The following VEGFC variants were observed in gnomAD, a reference collection of about 807,000 sequenced individuals.
VEGFC encodes the protein vascular endothelial growth factor C, also known as FLT4 ligand DHM.
A neutral mutation model predicts 46.1 loss-of-function variants in VEGFC; 12 were observed. The observed-to-expected ratio is 0.26, with a 90% CI of 0.17 to 0.42. The LOEUF (loss-of-function observed/expected upper bound fraction) is 0.42. Among genes scored for constraint, VEGFC ranks in the 10% least tolerant of loss-of-function variants. The probability of loss-of-function intolerance (pLI) is 1.00; values close to 1 mark genes in which losing one functional copy is unlikely to be tolerated. For synonymous variants in VEGFC, 232 were observed against 195.5 expected (o/e 1.19, Z -1.56); for missense variants, 488 against 529.4 (o/e 0.92, Z 0.77).
chr4:176,741,239 T>C (rs1054395230), intron 1 of VEGFC, among the ~76,000 whole-genome samples: 6 of 151,988 alleles, frequency 3.9e-5, no homozygotes, highest in Non-Finnish European at 5.9e-5. Context: ...ACATTTTTAG[T>C]GTACGGAACA....
At chr4:176,759,069 T>G (rs2110907010) in intron 1 of VEGFC, among the ~76,000 whole-genome samples, 1 of 152,292 alleles carries the variant, frequency 6.6e-6, no homozygotes, top group African/African-American at 2.4e-5. Flanking sequence ...TCTGAAAAGC[T>G]AAGAAACTAA....
intron 1 of VEGFC, among the ~76,000 whole-genome samples, chr4:176,790,546 C>T (rs1419265780): frequency 2.0e-5 from 3 of 152,066 alleles, no homozygotes; most frequent in Admixed American, 6.5e-5. Context: ...CACACACACA[C>T]ACACTCAAGG....
chr4:176,736,356 C>T (rs1423584061), intron 1 of VEGFC, among the ~76,000 whole-genome samples: 1 of 151,528 alleles, frequency 6.6e-6, no homozygotes, highest in Non-Finnish European at 1.5e-5. Context: ...GCATATAGGC[C>T]GATATATAAT....
intron 3 of VEGFC, among the ~76,000 whole-genome samples, chr4:176,723,633 C>A (rs1439284216): frequency 6.9e-6 from 1 of 145,122 alleles, no homozygotes; most frequent in Non-Finnish European, 1.5e-5. Flanking sequence ...GGTCCATGTG[C>A]AGATTTGTGA....
intron 4 of VEGFC, among the ~76,000 whole-genome samples, chr4:176,688,479 C>G (rs1162947973): frequency 1.3e-5 from 2 of 152,072 alleles, no homozygotes; most frequent in Non-Finnish European, 2.9e-5. Flanking sequence ...AAGCACAGAT[C>G]CCCATCTTGT....
chr4:176,703,304 T>G (rs1244162609), intron 4 of VEGFC, among the ~76,000 whole-genome samples: 2 of 152,128 alleles, frequency 1.3e-5, no homozygotes, highest in African/African-American at 4.8e-5. Flanking sequence ...ATAAAAAGAA[T>G]GCAATCCTGT....
chr4:176,772,867 T>C (rs1735745102), intron 1 of VEGFC, among the ~76,000 whole-genome samples: 1 of 152,176 alleles, frequency 6.6e-6, no homozygotes, highest in African/African-American at 2.4e-5. Context: ...GTCTTCAGAA[T>C]TGTGAGGAAA....
At chr4:176,725,155 C>T (rs2111013434) in intron 3 of VEGFC, among the ~76,000 whole-genome samples, 1 of 152,270 alleles carries the variant, frequency 6.6e-6, no homozygotes, top group South Asian at 2.1e-4. Context: ...ACATTTTGTA[C>T]AGGTATCAAC....
intron 1 of VEGFC, among the ~76,000 whole-genome samples, chr4:176,756,358 T>C (rs1735432662): frequency 6.6e-6 from 1 of 151,882 alleles, no homozygotes; most frequent in South Asian, 2.1e-4. Flanking sequence ...GAATAAACAA[T>C]AAATGAAGAA....
chr4:176,759,804 T>C (rs556609575), intron 1 of VEGFC, among the ~76,000 whole-genome samples: 3 of 152,210 alleles, frequency 2.0e-5, no homozygotes, highest in Non-Finnish European at 4.4e-5. Context: ...ACATGCTTTT[T>C]GGAGAGGAGA....
At chr4:176,699,639 G>A (rs1336207018) in intron 4 of VEGFC, among the ~76,000 whole-genome samples, 1 of 152,162 alleles carries the variant, frequency 6.6e-6, no homozygotes, top group Non-Finnish European at 1.5e-5. Flanking sequence ...TTCATCTTGA[G>A]TTTGTTACGC....
chr4:176,775,948 T>C (rs1276454581), intron 1 of VEGFC, among the ~76,000 whole-genome samples: 2 of 152,150 alleles, frequency 1.3e-5, no homozygotes, highest in Non-Finnish European at 1.5e-5. Context: ...CTTTATTTAT[T>C]TGAAATGTGG....
At chr4:176,771,437 T>C (rs1232609911) in intron 1 of VEGFC, among the ~76,000 whole-genome samples, 1 of 152,188 alleles carries the variant, frequency 6.6e-6, no homozygotes, top group East Asian at 1.9e-4. Context: ...TTAACACATA[T>C]ATGATTATGA....
chr4:176,792,765 G>A lies in VEGFC; in HGVS notation c.-454C>T, dbSNP rs1278296355. ...CGAAGTGAGAGGAGCCGGGCCGCGGGCGCTGCGGCGGGGGCGCTGGCGGCG... is the reference window on the plus strand; with the variant it reads ...CGAAGTGAGAGGAGCCGGGCCGCGGACGCTGCGGCGGGGGCGCTGGCGGCG... On this transcript the variant is annotated 5_prime_UTR_variant, in exon 1 of 7. Coordinates refer to ENST00000618562, the MANE Select transcript of VEGFC (RefSeq NM_005429.5). The surrounding 1 kb of genome is among the most constrained non-coding windows in gnomAD (Gnocchi z 6.3). 6.7e-6 allele frequency: 1 copy of A among 149,452 alleles called. No homozygotes were observed. Among genetic ancestry groups the A allele is most frequent in the Non-Finnish European group, 1.5e-5 (1 of 66,982 alleles). 9.3% of individuals were successfully genotyped at this position (149,452 alleles called of 1,614,324 possible). A position where few individuals can be genotyped will look rare whatever the true frequency, so the allele number is the denominator to read the frequency against.
In VEGFC at chr4:176,699,136, A is replaced by G. The variant is rs116839326; in HGVS notation, c.705-11209T>C. Among the ~76,000 whole-genome samples, 558 of 152,346 alleles carry G rather than the reference A, an allele frequency of 3.7e-3. 2 individuals carry two copies. The highest frequency in any genetic ancestry group is 0.013 in the African/African-American group (536 of 41,586). On this transcript the variant is annotated intron_variant, in intron 4 of 6. Transcript: ENST00000618562. Reference sequence around the variant, plus strand: ...CTCTTTTAATAAGGTTTTTCACAACAACACAACAAATAAAAATTTGGCTTA... The same window carrying G: ...CTCTTTTAATAAGGTTTTTCACAACGACACAACAAATAAAAATTTGGCTTA...
chr4:176,691,288 A>G (rs3775200), intron 4 of VEGFC, among the ~76,000 whole-genome samples: 35,378 of 152,176 alleles, frequency 0.23, 6,737 homozygotes, highest in African/African-American at 0.53. Flanking sequence ...ATATTAAAGT[A>G]TGCATAAATA....
At chr4:176,733,715 T>C (rs1482637774) in intron 1 of VEGFC, among the ~76,000 whole-genome samples, 2 of 151,804 alleles carry the variant, frequency 1.3e-5, no homozygotes, top group African/African-American at 4.8e-5. Flanking sequence ...AAACTCGCTA[T>C]AAACAGTAAA....
intron 4 of VEGFC, among the ~76,000 whole-genome samples, chr4:176,709,378 C>G (rs1380525674): frequency 6.6e-6 from 1 of 152,150 alleles, no homozygotes; most frequent in East Asian, 1.9e-4. Context: ...TATAAACTTA[C>G]TGGAAACACT....
chr4:176,732,395 T>A (rs1560949000), intron 1 of VEGFC, among the ~76,000 whole-genome samples: 2 of 151,964 alleles, frequency 1.3e-5, no homozygotes, highest in African/African-American at 4.8e-5. Context: ...TTTGTAGCAA[T>A]TAGCACCTAA....
Sources: gnomAD v4.1 joint callset for allele counts (sites outside exome capture counted in the v4.1 genomes callset) on GRCh38, gnomAD v4.1.1 for gene constraint, Gnocchi (gnomAD v3.1) non-coding constraint, MANE v1.5 for transcripts, NCBI Gene and HGNC (gene_info 2026-07-23, HGNC 2026-07-21) for gene names.